SYNE1: variants seen among roughly 807,000 people sequenced by gnomAD.
The protein encoded by SYNE1 is spectrin repeat containing nuclear envelope protein 1.
Under a neutral mutation model 1,111.0 loss-of-function variants are expected in SYNE1, and 616 were observed. The observed-to-expected ratio is 0.55, with a 90% CI of 0.52 to 0.59. The LOEUF (loss-of-function observed/expected upper bound fraction) is 0.59. SYNE1 is among the 20% of genes least tolerant of loss of function. The pLI is 0.00. For synonymous variants in SYNE1, 3,855 were observed against 3,825.8 expected (o/e 1.01, Z -0.28); for missense variants, 10,006 against 10,417.0 (o/e 0.96, Z 1.72).
intron 3 of SYNE1, among the ~76,000 whole-genome samples, chr6:152,564,924 TAA>T (rs754485017): frequency 6.6e-5 from 10 of 152,196 alleles, no homozygotes; most frequent in Non-Finnish European, 1.2e-4. Flanking sequence ...CTGTAAATAT[TAA>T]GTTAGATATT....
At chr6:152,632,603 G>C (rs189685005) in intron 2 of SYNE1, among the ~76,000 whole-genome samples, 2 of 152,264 alleles carry the variant, frequency 1.3e-5, no homozygotes, top group East Asian at 3.9e-4. Flanking sequence ...CCTATTGGAG[G>C]AGAGTGTGGT....
Position 152,135,193 on chromosome 6 carries a change from C to T in SYNE1, c.25699G>A (p.Glu8567Lys). The T allele has an allele frequency of 6.2e-7, 1 of 1,614,086 alleles. No homozygotes were observed. Among genetic ancestry groups the T allele is most frequent in the Non-Finnish European group, 8.5e-7 (1 of 1,180,006 alleles). The change falls in exon 142 of 146, where the codon GAG becomes AAG. Residue 8567 changes from glutamate to lysine, a missense_variant. By Grantham distance (56) the Glu-to-Lys change is moderately conservative (BLOSUM62 1). Coordinates refer to ENST00000367255, the MANE Select transcript of SYNE1 (RefSeq NM_182961.4). ...TCATTTTTCCTTCTGTCAATGTTCT[C>T]CAGCATAAGAAGCAAACCATGGCTC... ...EMSHGLLLML[E>K]NIDRRKNEIV...
intron 37 of SYNE1, among the ~76,000 whole-genome samples, 175 bp from the exon 38 acceptor site, chr6:152,427,991 C>T (rs2098386093): frequency 6.6e-6 from 1 of 152,132 alleles, no homozygotes; most frequent in South Asian, 2.1e-4. Flanking sequence ...TGTCCCTGCA[C>T]TCACATTTAT....
intron 30 of SYNE1, among the ~76,000 whole-genome samples, chr6:152,443,560 G>A (rs912646009): frequency 1.3e-5 from 2 of 152,136 alleles, no homozygotes; most frequent in East Asian, 1.9e-4. Flanking sequence ...CACCGTGCCC[G>A]GCCTATACTC....
At chr6:152,318,400 AT>A in intron 85 of SYNE1, 137 bp from the exon 86 acceptor site, 1 of 1,003,966 alleles carries the variant, frequency 1.0e-6, no homozygotes, top group Non-Finnish European at 1.5e-6. Flanking sequence ...TGATCAGGTC[AT>A]TTTTGTTTCT....
chr6:152,377,209 C>T (rs1255872089), intron 56 of SYNE1, among the ~76,000 whole-genome samples: 1 of 151,974 alleles, frequency 6.6e-6, no homozygotes, highest in Non-Finnish European at 1.5e-5. Context: ...AAAAAATAGC[C>T]TACATTGTCT....
intron 104 of SYNE1, among the ~76,000 whole-genome samples, chr6:152,251,716 G>A (rs528917753): frequency 6.6e-6 from 1 of 152,006 alleles, no homozygotes; most frequent in Non-Finnish European, 1.5e-5. Flanking sequence ...CCGAGATCCC[G>A]CCACTGCACT....
chr6:152,238,429 C>CT (rs2084737372), intron 108 of SYNE1, among the ~76,000 whole-genome samples: 1 of 152,100 alleles, frequency 6.6e-6, no homozygotes, highest in African/African-American at 2.4e-5. Flanking sequence ...TGCCAGGGAC[C>CT]TGACATGTCA....
rs139292170 is a variant in SYNE1 at position 152,378,573 on chromosome 6, G to A, written c.9010-1661C>T. Among the ~76,000 whole-genome samples the A allele has an allele frequency of 4.7e-3, 715 of 152,204 alleles. 5 individuals carry two copies. Among genetic ancestry groups the A allele is most frequent in the Non-Finnish European group, 8.2e-3 (557 of 67,998 alleles). ...TACATATTCATTATTTCTTTTGGGG[G>A]TGGCACTACATCCTCCTAATCTGAT... On this transcript the variant is annotated intron_variant, in intron 56 of 145. Transcript: ENST00000367255.
Position 152,220,891 on chromosome 6 carries a change from T to C in SYNE1, c.21812A>G (p.Asn7271Ser), listed in dbSNP as rs1278662699. 3 of 1,614,182 alleles carry C rather than the reference T, an allele frequency of 1.9e-6. No homozygotes were observed. Among genetic ancestry groups the C allele is most frequent in the Non-Finnish European group, 2.5e-6 (3 of 1,180,002 alleles). The part of the protein sequence containing the change: ...RTNELLKAAT[N>S]KDIADDEVAT... Reference sequence around the variant, plus strand: ...AACCTCATCATCGGCAATGTCCTTGTTTGTGGCTGCCTTCAACAGCTCATT... The same window carrying C: ...AACCTCATCATCGGCAATGTCCTTGCTTGTGGCTGCCTTCAACAGCTCATT... The change falls in exon 119 of 146, where the codon AAC becomes AGC. Residue 7271 changes from asparagine (N) to serine (S), a missense_variant. This residue lies in a region of SYNE1 where 2,182 missense variants were observed against 2,287.8 expected (regional missense o/e 0.95). Coordinates refer to ENST00000367255, the MANE Select transcript of SYNE1 (RefSeq NM_182961.4).
chr6:152,519,551 T>C (rs922524966), intron 6 of SYNE1, among the ~76,000 whole-genome samples: 2 of 152,132 alleles, frequency 1.3e-5, no homozygotes, highest in Non-Finnish European at 2.9e-5. Flanking sequence ...GAATAAATAA[T>C]TGAATAAATA....
chr6:152,282,041 A>G, intron 96 of SYNE1, 61 bp from the exon 97 acceptor site: 1 of 1,552,946 alleles, frequency 6.4e-7, no homozygotes, highest in South Asian at 1.1e-5. Flanking sequence ...AGAATTTAAC[A>G]CAGTAAAGCA....
chr6:152,316,862 T>C lies in SYNE1; in HGVS notation c.16697A>G (p.Tyr5566Cys), dbSNP rs200276162. 1 of 1,614,166 alleles carries C rather than the reference T, an allele frequency of 6.2e-7. No individual in the cohort carries two copies. Among genetic ancestry groups the C allele is most frequent in the Non-Finnish European group, 8.5e-7 (1 of 1,180,020 alleles). Residue 5566 changes from tyrosine (Y) to cysteine (C), a missense_variant, in exon 87 of 146, where the codon TAT (tyrosine) becomes TGT (cysteine). Physicochemically the swap from Tyr to Cys is radical, Grantham distance 194. Around this residue, in one of 7 missense-constraint regions of SYNE1, gnomAD observed 4,955 missense variants for 5,017.2 expected, o/e 0.99. Transcript: ENST00000367255. Reference protein sequence around the residue: ...WNSASQLREQYILHQTLLEES... With the variant: ...WNSASQLREQCILHQTLLEES... ...TCCTAAGGTTACCTGATGCAAAATA[T>C]ATTGTTCCCGAAGCTGGCTTGCAGA...
intron 14 of SYNE1, chr6:152,474,490 TCTC>T (rs1403536777): frequency 1.4e-4 from 21 of 152,256 alleles, no homozygotes; most frequent in African/African-American, 5.1e-4. Context: ...TGAAATGAGA[TCTC>T]CTCCATTTAG....
At chr6:152,261,642 T>C (rs1249502367) in intron 101 of SYNE1, among the ~76,000 whole-genome samples, 1 of 152,236 alleles carries the variant, frequency 6.6e-6, no homozygotes, top group Non-Finnish European at 1.5e-5. Context: ...GAAAATAAGA[T>C]GGCCTCACAA....
rs934945532 is a variant in SYNE1 at position 152,151,884 on chromosome 6, G to C, written c.24312+75C>G. 14 of 1,543,146 alleles carry C rather than the reference G, an allele frequency of 9.1e-6. No individual in the cohort carries two copies. The African/African-American group carries it at 1.8e-4, about 20-fold the overall frequency. ...CCATTCTTACAAAATCACTGAGACT[G>C]TGTCTCAAGACTGCATTCAAATGGC... On this transcript the variant is annotated intron_variant, in intron 134 of 145. Transcript: ENST00000367255.
chr6:152,184,064 G>A (rs769525869), intron 128 of SYNE1, among the ~76,000 whole-genome samples: 5 of 152,184 alleles, frequency 3.3e-5, no homozygotes, highest in Non-Finnish European at 5.9e-5. Flanking sequence ...ATTGTCTGTA[G>A]TAAACAAGTG....
intron 135 of SYNE1, 77 bp downstream of exon 135, chr6:152,151,476 G>A (rs1189036820): frequency 6.3e-7 from 1 of 1,579,428 alleles, no homozygotes; most frequent in African/African-American, 1.4e-5. Context: ...TATTTGCTAT[G>A]TTCTTCACAA....
intron 62 of SYNE1, 60 bp from the exon 63 acceptor site, chr6:152,365,079 A>G: frequency 1.9e-6 from 3 of 1,594,978 alleles, no homozygotes; most frequent in Non-Finnish European, 2.6e-6. Flanking sequence ...CTGGCTTTAA[A>G]TATTGCAGAG....
Sources: allele counts gnomAD v4.1 joint callset (sites outside exome capture counted in the v4.1 genomes callset), GRCh38; gene constraint gnomAD v4.1.1; regional missense constraint gnomAD v4.1.1; transcripts MANE v1.5; gene names NCBI Gene and HGNC (gene_info 2026-07-23, HGNC 2026-07-21).